Variants in ZMYND8 observed in about 807,000 individuals in gnomAD.
The protein encoded by ZMYND8 is MYND-type zinc finger-containing chromatin reader ZMYND8.
In ZMYND8, 37 loss-of-function variants were observed where a neutral mutation model predicts 140.8. The ratio of observed to expected loss-of-function variants is 0.26; its 90% CI spans 0.20 to 0.35. The LOEUF is 0.35. ZMYND8 is among the 10% of genes least tolerant of loss of function. ZMYND8 has a pLI of 1.00. For missense variants in ZMYND8, 1,068 were observed against 1,570.0 expected (o/e 0.68, Z 5.40); for synonymous variants, 592 against 597.1 (o/e 0.99, Z 0.12).
chr20:47,279,463 C>T (rs1010546059), intron 10 of ZMYND8, among the ~76,000 whole-genome samples: 5 of 149,248 alleles, frequency 3.4e-5, no homozygotes, highest in African/African-American at 1.0e-4. Context: ...TAAAACAAGC[C>T]TGGGTGACAG....
At chr20:47,327,803 A>G (rs545666529) in intron 2 of ZMYND8, among the ~76,000 whole-genome samples, 10 of 152,270 alleles carry the variant, frequency 6.6e-5, no homozygotes, top group African/African-American at 2.4e-4. Flanking sequence ...AATTAAATCT[A>G]TAACTTATTG....
At chr20:47,259,176 A>C (rs1397124121) in intron 12 of ZMYND8, among the ~76,000 whole-genome samples, 1 of 152,242 alleles carries the variant, frequency 6.6e-6, no homozygotes, top group East Asian at 1.9e-4. Flanking sequence ...TGTCACCGTG[A>C]GAACGCCTCC....
At chr20:47,291,361 C>A (rs970902311) in intron 6 of ZMYND8, among the ~76,000 whole-genome samples, 1 of 152,190 alleles carries the variant, frequency 6.6e-6, no homozygotes, top group African/African-American at 2.4e-5. Flanking sequence ...CAAGAAAAAA[C>A]CTAATCAGTA....
chr20:47,269,818 C>T (rs1480269791), intron 11 of ZMYND8, among the ~76,000 whole-genome samples: 2 of 152,236 alleles, frequency 1.3e-5, no homozygotes, highest in Non-Finnish European at 1.5e-5. Flanking sequence ...CAAAGTGCCG[C>T]ACCTTGCACA....
At chr20:47,305,332 C>T (rs1293749856) in intron 3 of ZMYND8, among the ~76,000 whole-genome samples, 1 of 151,764 alleles carries the variant, frequency 6.6e-6, no homozygotes, top group Non-Finnish European at 1.5e-5. Context: ...CTACAACCTC[C>T]GAGGTTGAAG....
chr20:47,248,185 A>G (rs576282491), intron 13 of ZMYND8, among the ~76,000 whole-genome samples: 1 of 152,360 alleles, frequency 6.6e-6, no homozygotes, highest in South Asian at 2.1e-4. Flanking sequence ...TGGGACTGAT[A>G]AAAGTATCAA....
chr20:47,329,147 T>C (rs115907666), intron 2 of ZMYND8, among the ~76,000 whole-genome samples: 1 of 152,312 alleles, frequency 6.6e-6, no homozygotes, highest in African/African-American at 2.4e-5. Context: ...TCAATAATCA[T>C]GCATGGAACA....
intron 16 of ZMYND8, among the ~76,000 whole-genome samples, chr20:47,234,651 T>C (rs1601085290): frequency 6.6e-6 from 1 of 152,202 alleles, no homozygotes; most frequent in African/African-American, 2.4e-5. Flanking sequence ...CTAAGTTTTG[T>C]GGTAATTTGT....
intron 2 of ZMYND8, among the ~76,000 whole-genome samples, chr20:47,313,364 T>C (rs1325671154): frequency 2.0e-5 from 3 of 152,286 alleles, no homozygotes; most frequent in Non-Finnish European, 4.4e-5. Flanking sequence ...GGCTCACGCC[T>C]GTAATCCCAG....
chr20:47,248,428 G>A (rs1343838431), intron 13 of ZMYND8, among the ~76,000 whole-genome samples: 1 of 152,180 alleles, frequency 6.6e-6, no homozygotes, highest in Non-Finnish European at 1.5e-5. Context: ...AGCCCCAGAT[G>A]GGTCCCTAAC....
chr20:47,282,139 C>T lies in ZMYND8; in HGVS notation c.961G>A (p.Gly321Arg). 1 of 1,613,916 alleles carries T rather than the reference C, an allele frequency of 6.2e-7. No individual in the cohort carries two copies. The highest frequency in any genetic ancestry group is 2.2e-5 in the East Asian group (1 of 44,864). The stretch of plus-strand genomic sequence containing the variant: ...CCAAAGAATCGGGCATCGACCTGCC[C>T]GTCTTTATCCCTTAGAGCTTTTGCA... Reference protein sequence around the residue: ...WPAKALRDKDGQVDARFFGQH... With the variant: ...WPAKALRDKDRQVDARFFGQH... The change falls in exon 10 of 23, where the codon GGG (glycine) becomes AGG (arginine). Residue 321 changes from glycine to arginine, a missense_variant. Around this residue, in one of 10 missense-constraint regions of ZMYND8, gnomAD observed 109 missense variants for 314.9 expected, o/e 0.35. Coordinates refer to ENST00000471951, the MANE Select transcript of ZMYND8 (RefSeq NM_001281775.3).
intron 16 of ZMYND8, among the ~76,000 whole-genome samples, chr20:47,232,323 G>A (rs533211489): frequency 1.3e-5 from 2 of 152,156 alleles, no homozygotes; most frequent in South Asian, 2.1e-4. Flanking sequence ...GCAGGGAGCT[G>A]AGATTACACT....
At chr20:47,234,595 C>T (rs2038969395) in intron 16 of ZMYND8, among the ~76,000 whole-genome samples, 1 of 152,210 alleles carries the variant, frequency 6.6e-6, no homozygotes, top group Non-Finnish European at 1.5e-5. Context: ...AGATTCCTGA[C>T]CCACACACAC....
At chr20:47,232,093 AG>A (rs1311601905) in intron 16 of ZMYND8, among the ~76,000 whole-genome samples, 1 of 152,194 alleles carries the variant, frequency 6.6e-6, no homozygotes, top group African/African-American at 2.4e-5. Flanking sequence ...ATTCCTGGAC[AG>A]GCACAGTGGC....
In ZMYND8 at chr20:47,315,550, G is replaced by T. The variant is rs371007738; in HGVS notation, c.86-5346C>A. 1.6e-4 allele frequency among the ~76,000 whole-genome samples: 25 copies of T among 152,092 alleles called. No individual in the cohort carries two copies. The East Asian group carries it at 2.3e-3, about 14-fold the overall frequency. ...CTTAAATGCCCCCCACTCCAGTGGG[G>T]GCTGGGCCTCTGGTGATGATGGACT... On this transcript the variant is annotated intron_variant, in intron 2 of 22. Coordinates refer to ENST00000471951, the MANE Select transcript of ZMYND8 (RefSeq NM_001281775.3).
intron 11 of ZMYND8, among the ~76,000 whole-genome samples, chr20:47,262,897 G>C (rs1289227711): frequency 6.6e-6 from 1 of 152,116 alleles, no homozygotes; most frequent in East Asian, 1.9e-4. Context: ...TTGGCCCCTT[G>C]GGAAATCTCC....
chr20:47,210,932 C>A, intron 22 of ZMYND8, 35 bp from the exon 23 acceptor site: 8 of 1,601,784 alleles, frequency 5.0e-6, no homozygotes, highest in Non-Finnish European at 6.8e-6. Flanking sequence ...AGCGTGCCTG[C>A]CCACCTGCGC....
At chr20:47,211,955 A>T (rs1299269562) in intron 22 of ZMYND8, among the ~76,000 whole-genome samples, 1 of 151,942 alleles carries the variant, frequency 6.6e-6, no homozygotes, top group Non-Finnish European at 1.5e-5. Flanking sequence ...TCAGGAGAGA[A>T]CTCTTCTTAG....
chr20:47,246,429 C>T lies in ZMYND8; in HGVS notation c.1863G>A (p.Glu621=), dbSNP rs751390476. The part of the protein sequence containing the change: ...DSEKSDSSDS[E]YISDDEQKSK... ...ACTTCTGCTCATCATCACTGATATA[C>T]TCACTATCGCTACTATCTGACTTCT... The change falls in exon 14 of 23, where the codon GAG becomes GAA. Residue 621 remains glutamate (E), a synonymous_variant. Coordinates refer to ENST00000471951, the MANE Select transcript of ZMYND8 (RefSeq NM_001281775.3). 3 of 1,614,074 alleles carry T rather than the reference C, an allele frequency of 1.9e-6. No individual in the cohort carries two copies. The highest frequency in any genetic ancestry group is 1.6e-4 in the Middle Eastern group (1 of 6,062).
Sources: gnomAD v4.1 joint callset for allele counts (sites outside exome capture counted in the v4.1 genomes callset) on GRCh38, gnomAD v4.1.1 for gene constraint, gnomAD v4.1.1 regional missense constraint, MANE v1.5 for transcripts, NCBI Gene and HGNC (gene_info 2026-07-23, HGNC 2026-07-21) for gene names.